Variants in ADARB2 observed in about 807,000 individuals in gnomAD.
The protein encoded by ADARB2 is adenosine deaminase RNA specific B2 (inactive).
ADARB2 carries 25 observed loss-of-function variants against 62.2 expected under a neutral mutation model. The observed-to-expected ratio is 0.40, with a 90% CI of 0.29 to 0.56. The LOEUF (loss-of-function observed/expected upper bound fraction) is 0.56, where lower values mean the gene tolerates loss of function less well. ADARB2 is among the 20% of genes least tolerant of loss of function. The pLI is 0.43. For missense variants in ADARB2, 1,071 were observed against 1,077.4 expected (o/e 0.99, Z 0.08); for synonymous variants, 572 against 500.8 (o/e 1.14, Z -1.90).
At chr10:1,399,089 GAGA>G (rs1262698643) in intron 1 of ADARB2, among the ~76,000 whole-genome samples, 1 of 152,208 alleles carries the variant, frequency 6.6e-6, no homozygotes, top group Admixed American at 6.5e-5. Flanking sequence ...AAAATGAACT[GAGA>G]AGATTTGCAG....
intron 1 of ADARB2, among the ~76,000 whole-genome samples, chr10:1,714,051 A>G (rs1834984445): frequency 6.6e-6 from 1 of 152,228 alleles, no homozygotes; most frequent in South Asian, 2.1e-4. Context: ...TTGATGGGAA[A>G]ACGTGTCTAG....
At chr10:1,684,078 G>A (rs1397886566) in intron 1 of ADARB2, among the ~76,000 whole-genome samples, 10 of 152,248 alleles carry the variant, frequency 6.6e-5, no homozygotes, top group Non-Finnish European at 1.5e-5. Context: ...CGTTTCAAAA[G>A]CACATCTTAA....
At chr10:1,200,868 C>T (rs887678452) in intron 7 of ADARB2, among the ~76,000 whole-genome samples, 4 of 152,154 alleles carry the variant, frequency 2.6e-5, no homozygotes, top group Admixed American at 6.5e-5. Context: ...CAGCAGCAAG[C>T]GTTACGTAGC....
chr10:1,552,453 G>C (rs887135242), intron 1 of ADARB2, among the ~76,000 whole-genome samples: 1 of 152,230 alleles, frequency 6.6e-6, no homozygotes, highest in Non-Finnish European at 1.5e-5. Context: ...GGAGGGAGCA[G>C]GATCTGTGTG....
intron 1 of ADARB2, among the ~76,000 whole-genome samples, chr10:1,689,300 T>C (rs1312080054): frequency 6.6e-6 from 1 of 152,156 alleles, no homozygotes; most frequent in Non-Finnish European, 1.5e-5. Flanking sequence ...CACAGGAAGA[T>C]TGTAGGTGAG....
chr10:1,475,727 T>C (rs138721608), intron 1 of ADARB2, among the ~76,000 whole-genome samples: 5 of 152,320 alleles, frequency 3.3e-5, no homozygotes, highest in African/African-American at 1.2e-4. Flanking sequence ...TTTGCATAAA[T>C]TTGGATGGAA....
chr10:1,220,241 TA>T (rs1448832104), intron 6 of ADARB2, among the ~76,000 whole-genome samples: 3 of 142,734 alleles, frequency 2.1e-5, no homozygotes, highest in Non-Finnish European at 4.6e-5. Flanking sequence ...ATGGTGGTGA[TA>T]ATGGTGGTGG....
intron 3 of ADARB2, among the ~76,000 whole-genome samples, chr10:1,332,608 C>T (rs1228727511): frequency 2.0e-5 from 3 of 151,252 alleles, no homozygotes; most frequent in East Asian, 2.0e-4. Context: ...AAGCACAAGA[C>T]GTTGGCCCCC....
At chr10:1,489,062 G>C in intron 1 of ADARB2, among the ~76,000 whole-genome samples, 1 of 152,272 alleles carries the variant, frequency 6.6e-6, no homozygotes, top group East Asian at 1.9e-4. Context: ...CCTCGGATCA[G>C]TGAGGCTTGC....
chr10:1,378,953 G>A (rs1180084724), intron 2 of ADARB2, 121 bp downstream of exon 2: 2 of 799,026 alleles, frequency 2.5e-6, no homozygotes, highest in Non-Finnish European at 2.1e-6. Context: ...TGTCTCTCCA[G>A]GTAAGACCAA....
In ADARB2 at chr10:1,535,593, C is replaced by T. The variant is rs549469834; in HGVS notation, c.101-156433G>A. 10 of 167,540 alleles carry T rather than the reference C, an allele frequency of 6.0e-5. No homozygotes were observed. In the South Asian group the frequency reaches 6.2e-4, roughly 10 times the overall value. The allele number at this position is 167,540 out of a possible 1,614,324, so 10.4% of individuals were successfully genotyped here. A position where few individuals can be genotyped will look rare whatever the true frequency, so the allele number is the denominator to read the frequency against. On this transcript the variant is annotated intron_variant, in intron 1 of 9. Coordinates refer to ENST00000381312, the MANE Select transcript of ADARB2 (RefSeq NM_018702.4). ...AACTCAACTCCCATTTTTCCCCAGA[C>T]GGCAATGTCGCTGATGGCGAGATTC...
In ADARB2 at chr10:1,673,344, A is replaced by G. The variant is rs200211146; in HGVS notation, c.100+63707T>C. Among the ~76,000 whole-genome samples, 266 of 81,466 alleles carry G rather than the reference A, an allele frequency of 3.3e-3. 2 individuals are homozygous for G. The highest frequency in any genetic ancestry group is 2.8e-3 in the Non-Finnish European group (101 of 36,464). The allele number at this position is 81,466 out of a possible 152,430, so 53.4% of individuals were successfully genotyped here. A position where few individuals can be genotyped will look rare whatever the true frequency, so the allele number is the denominator to read the frequency against. On this transcript the variant is annotated intron_variant, in intron 1 of 9. Coordinates refer to ENST00000381312, the MANE Select transcript of ADARB2 (RefSeq NM_018702.4). ...TGTGTGTGTGTGTGTGTGTGTGTGT[A>G]TGTGTGTGTATTTAGAGGCACTTTG...
intron 1 of ADARB2, among the ~76,000 whole-genome samples, chr10:1,654,148 C>T (rs1305971342): frequency 1.3e-5 from 2 of 152,172 alleles, no homozygotes; most frequent in African/African-American, 4.8e-5. Flanking sequence ...TGTTGTAAGC[C>T]ACATCAAATC....
intron 1 of ADARB2, among the ~76,000 whole-genome samples, chr10:1,692,231 AT>A (rs1171602623): frequency 6.6e-6 from 1 of 152,172 alleles, no homozygotes; most frequent in South Asian, 2.1e-4. Flanking sequence ...TCAGTAGAGC[AT>A]TTTTTCCTTC....
intron 1 of ADARB2, among the ~76,000 whole-genome samples, chr10:1,573,179 T>G (rs1685876213): frequency 6.6e-6 from 1 of 152,188 alleles, no homozygotes; most frequent in Non-Finnish European, 1.5e-5. Flanking sequence ...TGTGTGCTTG[T>G]CTGGGGTGGG....
In ADARB2 at chr10:1,505,260, G is replaced by A. The variant is rs576268351; in HGVS notation, c.101-126100C>T. On this transcript the variant is annotated intron_variant, in intron 1 of 9. Coordinates refer to ENST00000381312, the MANE Select transcript of ADARB2 (RefSeq NM_018702.4). ...CAATGACAAATCAGCCTCACTGTGT[G>A]CCTCGCATTGCCCCATTTAACCCGC... 1.1e-4 allele frequency among the ~76,000 whole-genome samples: 16 copies of A among 152,282 alleles called. No individual in the cohort carries two copies. In the East Asian group the frequency reaches 2.7e-3, roughly 26 times the overall value.
chr10:1,681,973 AT>A (rs1834543018), intron 1 of ADARB2, among the ~76,000 whole-genome samples: 1 of 152,186 alleles, frequency 6.6e-6, no homozygotes. Context: ...GCAAAATGAA[AT>A]TCCCGAGCTT....
chr10:1,271,945 A>G (rs1348106099), intron 3 of ADARB2, among the ~76,000 whole-genome samples: 1 of 152,134 alleles, frequency 6.6e-6, no homozygotes, highest in Non-Finnish European at 1.5e-5. Flanking sequence ...CTCGGAGCCC[A>G]TTTTCCTAAT....
chr10:1,678,914 G>A (rs545369848), intron 1 of ADARB2, among the ~76,000 whole-genome samples: 1 of 152,318 alleles, frequency 6.6e-6, no homozygotes, highest in South Asian at 2.1e-4. Flanking sequence ...GAGGAGGAGA[G>A]AGTACAGGTG....
Sources: gnomAD v4.1 joint callset for allele counts (sites outside exome capture counted in the v4.1 genomes callset) on GRCh38, gnomAD v4.1.1 for gene constraint, MANE v1.5 for transcripts, NCBI Gene and HGNC (gene_info 2026-07-23, HGNC 2026-07-21) for gene names.